The following KIF1A variants were observed in gnomAD, a reference collection of about 807,000 sequenced individuals.
The protein encoded by KIF1A is kinesin-like protein KIF1A.
Under a neutral mutation model 227.3 loss-of-function variants are expected in KIF1A, and 46 were observed. The observed-to-expected ratio is 0.20, with a 90% confidence interval of 0.16 to 0.26. The LOEUF (loss-of-function observed/expected upper bound fraction) is 0.26, where lower values mean the gene tolerates loss of function less well. Among genes scored for constraint, KIF1A ranks in the 10% least tolerant of loss-of-function variants. KIF1A has a pLI of 1.00. For missense variants in KIF1A, 1,683 were observed against 2,485.9 expected, an observed-to-expected ratio of 0.68 and a Z score of 6.87; for synonymous variants, 1,022 against 1,012.8, an observed-to-expected ratio of 1.01 and a Z score of -0.17.
rs34495497 is a variant in KIF1A at position 240,719,871 on chromosome 2, C to T, written c.4924G>A (p.Ala1642Thr). Reference sequence around the variant, plus strand: ...GGGGAAGGGAGCTTCTTGGAGTCGGCCTCTGGCAGCAGCTCGGGCTCTGGG... The same window carrying T: ...GGGGAAGGGAGCTTCTTGGAGTCGGTCTCTGGCAGCAGCTCGGGCTCTGGG... ...ASPEPELLPE[A>T]DSKKLPSPAR... The change falls in exon 46 of 49, where the codon GCC becomes ACC. Residue 1642 changes from alanine (A) to threonine (T), a missense_variant. Ala to Thr is a moderately conservative substitution (Grantham distance 58, BLOSUM62 0). Coordinates refer to ENST00000498729, the MANE Select transcript of KIF1A (RefSeq NM_001244008.2). 2.9e-5 allele frequency: 46 copies of T among 1,611,946 alleles called. No homozygotes were observed. Among genetic ancestry groups the T allele is most frequent in the Non-Finnish European group, 3.9e-5 (46 of 1,179,466 alleles).
chr2:240,740,633 G>A lies in KIF1A; in HGVS notation c.3750-269C>T, dbSNP rs1175759447. 2.0e-5 allele frequency among the ~76,000 whole-genome samples: 3 copies of A among 152,044 alleles called. No homozygotes were observed. In the East Asian group the frequency reaches 5.8e-4, roughly 29 times the overall value. On this transcript the variant is annotated intron_variant, in intron 35 of 48. Transcript: ENST00000498729. This position sits in a 1 kb window ranked among gnomAD's most constrained non-coding sequence, Gnocchi z 6.1. ...TGGCACAGCCTGGCCCCTCTGGGCT[G>A]GATCTTTGTAAGTTCCCAAGGGTCC...
At chr2:240,815,492 A>G (rs549577881) in intron 1 of KIF1A, among the ~76,000 whole-genome samples, 7 of 152,220 alleles carry the variant, frequency 4.6e-5, no homozygotes, top group African/African-American at 1.7e-4. Context: ...TTCCTAAGCC[A>G]GGCTCAGGAA....
intron 47 of KIF1A, among the ~76,000 whole-genome samples, chr2:240,718,571 A>T (rs1332354518): frequency 6.6e-6 from 1 of 152,212 alleles, no homozygotes; most frequent in African/African-American, 2.4e-5. Context: ...AGCCAGCCTG[A>T]AGGAGTCCAG....
At chr2:240,747,604 G>A (rs990604357) in intron 28 of KIF1A, among the ~76,000 whole-genome samples, 6 of 152,156 alleles carry the variant, frequency 3.9e-5, no homozygotes, top group Non-Finnish European at 4.4e-5. Context: ...AATCTTGCCC[G>A]CATTCCCAGG....
Position 240,792,337 on chromosome 2 carries a change from G to T in KIF1A, c.107-3025C>A, listed in dbSNP as rs2055817880. On this transcript the variant is annotated intron_variant, in intron 2 of 48. Transcript: ENST00000498729. The surrounding 1 kb of genome is among the most constrained non-coding windows in gnomAD (Gnocchi z 4.5). ...AGGAGGGAGAAACAGGTCCTCCCAG[G>T]GCCTGCTGGGCTGGGCTCCTCAGCC... Among the ~76,000 whole-genome samples, 1 of 151,760 alleles carries T rather than the reference G, an allele frequency of 6.6e-6. No homozygotes were observed. The highest frequency in any genetic ancestry group is 1.5e-5 in the Non-Finnish European group (1 of 67,902).
In KIF1A at chr2:240,720,962, G is replaced by A. The variant is rs768366163; in HGVS notation, c.4820C>T (p.Ser1607Phe). The change falls in exon 45 of 49, where the codon TCC becomes TTC. Residue 1607 changes from serine (S) to phenylalanine (F), a missense_variant. This residue lies in a region of KIF1A where 384 missense variants were observed against 410.1 expected (regional missense o/e 0.94). Transcript: ENST00000498729. Reference sequence around the variant, plus strand: ...CCCTTCAACCAGAGAGGGGCAAGTGGAGGAGGGGGTGAGAGTGGCCACCCC... The same window carrying A: ...CCCTTCAACCAGAGAGGGGCAAGTGAAGGAGGGGGTGAGAGTGGCCACCCC... ...PLGVATLTPS[S>F]TCPSLVEGRY... 83 of 1,602,576 alleles carry A rather than the reference G, an allele frequency of 5.2e-5. No homozygotes were observed. Among genetic ancestry groups the A allele is most frequent in the Non-Finnish European group, 6.7e-5 (79 of 1,175,198 alleles).
At position 240,741,381 on chromosome 2, in the gene KIF1A, T is replaced by C; in HGVS notation, c.3641-4A>G. 6.4e-7 allele frequency: 1 copy of C among 1,556,072 alleles called. No individual in the cohort carries two copies. Among genetic ancestry groups the C allele is most frequent in the Non-Finnish European group, 8.7e-7 (1 of 1,154,680 alleles). On this transcript the variant is annotated splice_polypyrimidine_tract_variant and splice_region_variant and intron_variant, in intron 34 of 48. Transcript: ENST00000498729. ...GTGCTGAGCTTGGTGGCGGGCACTG[T>C]AGGGACAGGAGGGAGGCATGCATGG...
At chr2:240,798,898 C>CA (rs2056697734) in intron 1 of KIF1A, among the ~76,000 whole-genome samples, 1 of 152,232 alleles carries the variant, frequency 6.6e-6, no homozygotes, top group South Asian at 2.1e-4. Flanking sequence ...GGTGCCCACT[C>CA]AGTGGTGAGT....
At chr2:240,782,183 G>T (rs1046376321) in intron 10 of KIF1A, 75 of 985,334 alleles carry the variant, frequency 7.6e-5, no homozygotes, top group Non-Finnish European at 7.6e-5. Context: ...GCCTCCCCCT[G>T]TGGCCCCGTC....
chr2:240,802,096 GAA>G (rs11367239), intron 1 of KIF1A, among the ~76,000 whole-genome samples: 1,771 of 101,666 alleles, frequency 0.017, 34 homozygotes, highest in African/African-American at 0.051. Flanking sequence ...AAGTCAGCCA[GAA>G]AAAAAAAAAA....
rs60470230 is a variant in KIF1A at position 240,761,122 on chromosome 2, C to T, written c.2265+107G>A. The T allele has an allele frequency of 3.2e-3, 4,367 of 1,350,220 alleles. 126 individuals are homozygous for T. The African/African-American group carries it at 0.056, about 17-fold the overall frequency. The allele number at this position is 1,350,220 out of a possible 1,614,324, so 83.6% of individuals were successfully genotyped here. ...TCAGGCAGGGCTGCTATGCCACCCC[C>T]GGGGCCGGCAGAGAGCCAAGTGCTG... is the stretch of plus-strand genomic sequence containing the variant. On this transcript the variant is annotated intron_variant, in intron 24 of 48. Transcript: ENST00000498729.
chr2:240,811,929 G>A (rs1277574893), intron 1 of KIF1A, among the ~76,000 whole-genome samples: 1 of 152,154 alleles, frequency 6.6e-6, no homozygotes, highest in Non-Finnish European at 1.5e-5. Flanking sequence ...GCAGGAGAGG[G>A]AAAGAGGGCT....
At chr2:240,796,885 T>C (rs780821258) in intron 2 of KIF1A, among the ~76,000 whole-genome samples, 6 of 150,666 alleles carry the variant, frequency 4.0e-5, no homozygotes, top group Non-Finnish European at 8.8e-5. Context: ...GGGACCTGAG[T>C]GCCCTCCCCT....
At chr2:240,753,294 G>A (rs2049440667) in intron 27 of KIF1A, among the ~76,000 whole-genome samples, 1 of 152,224 alleles carries the variant, frequency 6.6e-6, no homozygotes, top group Non-Finnish European at 1.5e-5. Context: ...GAGGTAAACT[G>A]AGGCAGGGGC....
At chr2:240,743,091 C>T (rs978286818) in intron 33 of KIF1A, 107 bp from the exon 34 acceptor site, 5 of 856,862 alleles carry the variant, frequency 5.8e-6, no homozygotes, top group African/African-American at 3.4e-5. Context: ...GCCCCTCCCA[C>T]CCTCTCTTCT....
rs376563968 is a variant in KIF1A, at chr2:240,743,931, A to G, written c.3584+11T>C. On this transcript the variant is annotated intron_variant, in intron 33 of 48. Transcript: ENST00000498729. ...ACAGCAGCCCCGAACCCCCCGACCC[A>G]GGGCGCTAACCTGAGCACGTCCTTG... 3.8e-6 allele frequency: 6 copies of G among 1,586,254 alleles called. No individual in the cohort carries two copies. The African/African-American group carries it at 8.1e-5, about 21-fold the overall frequency.
Position 240,793,160 on chromosome 2 carries a change from GA to G in KIF1A, c.107-3849del, listed in dbSNP as rs2126122873. 6.6e-6 allele frequency among the ~76,000 whole-genome samples: 1 copy of G among 152,320 alleles called. No homozygotes were observed. The highest frequency in any genetic ancestry group is 6.5e-5 in the Admixed American group (1 of 15,308). ...GGTCCCCGACTGCTCGGGATTGGGG[GA>G]GCCCACAGCGGAGGCTGGGGGCCTG... On this transcript the variant is annotated intron_variant, in intron 2 of 48. Transcript: ENST00000498729. The surrounding 1 kb of genome is among the most constrained non-coding windows in gnomAD (Gnocchi z 4.8).
rs369839651 is a variant in KIF1A, at chr2:240,719,115, C to A, written c.5105G>T (p.Arg1702Leu). Residue 1702 changes from arginine to leucine, a missense_variant, in exon 47 of 49, where the codon CGC becomes CTC. Arg to Leu is a moderately radical substitution (Grantham distance 102, BLOSUM62 -2). Transcript: ENST00000498729. ...GWARRFVVVR[R>L]PYAYMYNSDK... is the part of the protein sequence containing the mutation. Reference sequence around the variant, plus strand: ...GCTGTTGTACATGTAGGCATAGGGGCGCCGCACCACCACGAAGCGCCTGGC... The same window carrying A: ...GCTGTTGTACATGTAGGCATAGGGGAGCCGCACCACCACGAAGCGCCTGGC... 6.2e-7 allele frequency: 1 copy of A among 1,612,488 alleles called. No individual in the cohort carries two copies. Among genetic ancestry groups the A allele is most frequent in the Non-Finnish European group, 8.5e-7 (1 of 1,179,712 alleles).
rs116640685 is a variant in KIF1A, at chr2:240,776,098, C to T, written c.883-172G>A. On this transcript the variant is annotated intron_variant, in intron 10 of 48. Coordinates refer to ENST00000498729, the MANE Select transcript of KIF1A (RefSeq NM_001244008.2). ...CTGCCCAGGCCTCTCCCTGCCCAGACCCCAGGCCGCCACCCCAGAGGCCTC... is the reference window on the plus strand; with the variant it reads ...CTGCCCAGGCCTCTCCCTGCCCAGATCCCAGGCCGCCACCCCAGAGGCCTC... Among the ~76,000 whole-genome samples, 1,291 of 152,316 alleles carry T rather than the reference C, an allele frequency of 8.5e-3. 24 individuals are homozygous for T. The highest frequency in any genetic ancestry group is 0.03 in the African/African-American group (1,255 of 41,572).
Sources: gnomAD v4.1 joint callset for allele counts (sites outside exome capture counted in the v4.1 genomes callset) on GRCh38, gnomAD v4.1.1 for gene constraint, gnomAD v4.1.1 regional missense constraint, Gnocchi (gnomAD v3.1) non-coding constraint, MANE v1.5 for transcripts, NCBI Gene and HGNC (gene_info 2026-07-23, HGNC 2026-07-21) for gene names.